The following KIDINS220 variants were observed in gnomAD, a reference collection of about 807,000 sequenced individuals.
The protein encoded by KIDINS220 is kinase D-interacting substrate of 220 kDa.
In KIDINS220, 63 loss-of-function variants were observed where a neutral mutation model predicts 157.6. The ratio of observed to expected loss-of-function variants is 0.40; its 90% confidence interval spans 0.33 to 0.49. The LOEUF is 0.49. Ranked by LOEUF, KIDINS220 falls within the 20% of genes least tolerant of loss-of-function variation. The pLI, the probability that KIDINS220 is intolerant of heterozygous loss-of-function variation, is 0.66. For synonymous variants in KIDINS220, 732 were observed against 783.6 expected (o/e 0.93, Z 1.10); for missense variants, 1,772 against 2,171.2 (o/e 0.82, Z 3.65).
rs535015271 is a variant in KIDINS220 at position 8,800,724 on chromosome 2, A to T, written c.802-226T>A. On this transcript the variant is annotated intron_variant, in intron 8 of 29. Transcript: ENST00000256707. ...TTATGCCCCAAAATGAGGACTCTGA[A>T]ATTCCTAAACAAAGTTTAGAAAGAC... is the stretch of plus-strand genomic sequence containing the variant. Among the ~76,000 whole-genome samples, 26 of 152,350 alleles carry T rather than the reference A, an allele frequency of 1.7e-4. 3 individuals are homozygous for T. Among genetic ancestry groups the T allele is most frequent in the African/African-American group, 6.3e-4 (26 of 41,584 alleles).
chr2:8,795,776 C>T (rs1254477342), intron 11 of KIDINS220, among the ~76,000 whole-genome samples: 1 of 152,162 alleles, frequency 6.6e-6, no homozygotes, highest in Non-Finnish European at 1.5e-5. Context: ...TATATGGAAC[C>T]TTGAAGGATA....
At chr2:8,769,194 T>G (rs1051443621) in intron 22 of KIDINS220, among the ~76,000 whole-genome samples, 1 of 152,164 alleles carries the variant, frequency 6.6e-6, no homozygotes, top group Admixed American at 6.6e-5. Context: ...CCTAGCAAAG[T>G]ACCTGACGTG....
chr2:8,796,803 C>G lies in KIDINS220; in HGVS notation c.1066G>C (p.Asp356His), dbSNP rs747065911. 1 of 1,614,200 alleles carries G rather than the reference C, an allele frequency of 6.2e-7. No individual in the cohort carries two copies. The highest frequency in any genetic ancestry group is 1.3e-5 in the African/African-American group (1 of 75,056). ...RNIEVVELLL[D>H]KGAKVSAVDK... ...ACAGCAGACACTTTAGCACCTTTATCTAGCAGCAGCTCCACCACTTCAATG... is the reference window on the plus strand; with the variant it reads ...ACAGCAGACACTTTAGCACCTTTATGTAGCAGCAGCTCCACCACTTCAATG... The change falls in exon 11 of 30, where the codon GAT (aspartate) becomes CAT (histidine). Residue 356 changes from aspartate to histidine, a missense_variant. Coordinates refer to ENST00000256707, the MANE Select transcript of KIDINS220 (RefSeq NM_020738.4).
chr2:8,768,718 T>C (rs2148148910), intron 22 of KIDINS220, among the ~76,000 whole-genome samples: 1 of 152,298 alleles, frequency 6.6e-6, no homozygotes, highest in South Asian at 2.1e-4. Context: ...CTTTCTCTTA[T>C]TCAAATGACA....
intron 22 of KIDINS220, among the ~76,000 whole-genome samples, chr2:8,768,391 T>G (rs907119101): frequency 2.0e-5 from 3 of 152,112 alleles, no homozygotes; most frequent in Non-Finnish European, 4.4e-5. Flanking sequence ...TACAGAGGGG[T>G]CTATTTAATT....
At position 8,761,627 on chromosome 2, in the gene KIDINS220, C is replaced by T. The variant is rs1431190796; in HGVS notation, c.3011+9043G>A. 2.7e-5 allele frequency among the ~76,000 whole-genome samples: 4 copies of T among 150,862 alleles called. No homozygotes were observed. In the East Asian group the frequency reaches 7.8e-4, roughly 29 times the overall value. ...GTCCTGAAGCCATTTTTTTTTTTAA[C>T]AACAACAAAAAAGGAAATTCAACCT... is the stretch of plus-strand genomic sequence containing the variant. On this transcript the variant is annotated intron_variant, in intron 22 of 29. Coordinates refer to ENST00000256707, the MANE Select transcript of KIDINS220 (RefSeq NM_020738.4).
At chr2:8,774,882 G>A (rs1235879463) in intron 21 of KIDINS220, among the ~76,000 whole-genome samples, 1 of 152,156 alleles carries the variant, frequency 6.6e-6, no homozygotes, top group Non-Finnish European at 1.5e-5. Context: ...GAATCACTGT[G>A]GTTGCCGTAT....
intron 26 of KIDINS220, among the ~76,000 whole-genome samples, chr2:8,739,716 C>T (rs73153139): frequency 0.067 from 10,182 of 152,134 alleles, 1,089 homozygotes; most frequent in African/African-American, 0.23. Flanking sequence ...TTATCTAAGT[C>T]AAGAAGAGAC....
At chr2:8,741,509 G>A (rs1665622902) in intron 26 of KIDINS220, among the ~76,000 whole-genome samples, 1 of 152,272 alleles carries the variant, frequency 6.6e-6, no homozygotes, top group African/African-American at 2.4e-5. Context: ...GAATCCAGGA[G>A]GTGGAGGTTG....
At chr2:8,782,706 C>A (rs534888766) in intron 17 of KIDINS220, among the ~76,000 whole-genome samples, 1 of 152,144 alleles carries the variant, frequency 6.6e-6, no homozygotes, top group African/African-American at 2.4e-5. Flanking sequence ...CCAAAGCAGA[C>A]GAAGTCTTGA....
At chr2:8,770,976 G>A (rs1233074698) in intron 21 of KIDINS220, 144 bp from the exon 22 acceptor site, 1 of 493,928 alleles carries the variant, frequency 2.0e-6, no homozygotes, top group East Asian at 3.3e-5. Context: ...GTACTGCCAT[G>A]GCTTCTAAAA....
intron 27 of KIDINS220, among the ~76,000 whole-genome samples, chr2:8,735,269 C>T (rs1016669639): frequency 3.3e-5 from 5 of 152,310 alleles, no homozygotes; most frequent in African/African-American, 7.2e-5. Context: ...CGGTGGCTCA[C>T]GCATGTAATC....
chr2:8,783,631 A>G (rs1672001091), intron 17 of KIDINS220, among the ~76,000 whole-genome samples: 1 of 152,220 alleles, frequency 6.6e-6, no homozygotes, highest in African/African-American at 2.4e-5. Context: ...CAATTATAGC[A>G]AGATTTCAGA....
At chr2:8,771,012 T>C (rs1670142517) in intron 21 of KIDINS220, among the ~76,000 whole-genome samples, 180 bp from the exon 22 acceptor site, 1 of 152,222 alleles carries the variant, frequency 6.6e-6, no homozygotes, top group Non-Finnish European at 1.5e-5. Flanking sequence ...TAAGTAAAGC[T>C]TTTAGGGCTT....
At position 8,731,588 on chromosome 2, in the gene KIDINS220, G is replaced by A. The variant is rs1227881228; in HGVS notation, c.4448C>T (p.Ser1483Leu). The A allele has an allele frequency of 3.7e-6, 6 of 1,613,994 alleles. No individual in the cohort carries two copies. Among genetic ancestry groups the A allele is most frequent in the Non-Finnish European group, 1.7e-6 (2 of 1,179,996 alleles). Residue 1483 changes from serine (S) to leucine (L), a missense_variant, in exon 30 of 30, where the codon TCA (serine) becomes TTA (leucine). Around this residue, in one of 3 missense-constraint regions of KIDINS220, gnomAD observed 793 missense variants for 885.5 expected, o/e 0.90. Coordinates refer to ENST00000256707, the MANE Select transcript of KIDINS220 (RefSeq NM_020738.4). The surrounding 1 kb of genome is among the most constrained non-coding windows in gnomAD (Gnocchi z 5.2). ...GAGAAGCTTACTGCCTGACTGATCT[G>A]ATTTTTCATCTTCTTCAGTGATAGG... ...LDPITEEDEK[S>L]DQSGSKLLPG...
intron 22 of KIDINS220, among the ~76,000 whole-genome samples, chr2:8,763,713 T>A (rs1384967763): frequency 6.6e-6 from 1 of 152,184 alleles, no homozygotes; most frequent in African/African-American, 2.4e-5. Flanking sequence ...AACAAGTCTC[T>A]AAGAAGAAAC....
rs79914092 is a variant in KIDINS220 at position 8,798,489 on chromosome 2, G to A, written c.901-189C>T. 5.0e-3 allele frequency among the ~76,000 whole-genome samples: 761 copies of A among 152,224 alleles called. 11 individuals carry two copies. Among genetic ancestry groups the A allele is most frequent in the African/African-American group, 0.018 (734 of 41,526 alleles). ...TGTGAAAGAAGCCTAGGAAAACTTC[G>A]TATTACTTAACCTAAAAAGTAGCAA... On this transcript the variant is annotated intron_variant, in intron 9 of 29. Coordinates refer to ENST00000256707, the MANE Select transcript of KIDINS220 (RefSeq NM_020738.4).
intron 17 of KIDINS220, among the ~76,000 whole-genome samples, chr2:8,783,237 A>G (rs978091192): frequency 6.6e-6 from 1 of 151,898 alleles, no homozygotes; most frequent in Non-Finnish European, 1.5e-5. Context: ...GAAAGATCAC[A>G]TGATTGCATA....
intron 26 of KIDINS220, chr2:8,746,553 G>A (rs1216038962): frequency 1.3e-5 from 2 of 148,898 alleles, no homozygotes; most frequent in Admixed American, 1.3e-4. Flanking sequence ...TCTTTTACAT[G>A]CTGAACGATC....
Sources: allele counts gnomAD v4.1 joint callset (sites outside exome capture counted in the v4.1 genomes callset), GRCh38; gene constraint gnomAD v4.1.1; regional missense constraint gnomAD v4.1.1; non-coding constraint Gnocchi (gnomAD v3.1); transcripts MANE v1.5; gene names NCBI Gene and HGNC (gene_info 2026-07-23, HGNC 2026-07-21).